Variants in LYPLAL1 observed in about 807,000 individuals in gnomAD.
The protein encoded by LYPLAL1 is lysophospholipase like 1.
In LYPLAL1, 23 loss-of-function variants were observed where a neutral mutation model predicts 19.7. The observed-to-expected ratio is 1.17, with a 90% CI of 0.84 to 1.65. The LOEUF is 1.65. LYPLAL1 is among the 40% of genes most tolerant of loss of function. The pLI is 0.00. For missense variants in LYPLAL1, 355 were observed against 279.4 expected (o/e 1.27, Z -1.93); for synonymous variants, 119 against 96.3 (o/e 1.24, Z -1.38).
At chr1:219,439,972 T>TATGTATATATATAC in the LYPLAL1 span, among the ~76,000 whole-genome samples, 2 of 114,074 alleles carry the variant, frequency 1.8e-5, no homozygotes, top group African/African-American at 8.3e-5. Context: ...TATATATATA[T>TATGTATATATATAC]ACATATATAT....
At chr1:219,299,303 G>A in the LYPLAL1 span, among the ~76,000 whole-genome samples, 2 of 152,050 alleles carry the variant, frequency 1.3e-5, no homozygotes, top group Non-Finnish European at 2.9e-5. Flanking sequence ...CTACCAGGGC[G>A]AGCAAACACT....
chr1:219,197,613 C>G (rs1425652571), intron 3 of LYPLAL1, among the ~76,000 whole-genome samples: 1 of 152,068 alleles, frequency 6.6e-6, no homozygotes, highest in Non-Finnish European at 1.5e-5. Context: ...GCAACAAAAG[C>G]AGAAGTTGAC....
At chr1:219,322,563 T>G in the LYPLAL1 span, among the ~76,000 whole-genome samples, 6 of 152,232 alleles carry the variant, frequency 3.9e-5, no homozygotes, top group African/African-American at 1.4e-4. Flanking sequence ...TTGAATGCTT[T>G]TAGGCATTCT....
At chr1:219,224,799 A>G in the LYPLAL1 span, among the ~76,000 whole-genome samples, 3 of 152,106 alleles carry the variant, frequency 2.0e-5, no homozygotes, top group Non-Finnish European at 4.4e-5. Flanking sequence ...GCCCAATCTA[A>G]TGTTTATAGT....
rs548565962 is a variant in LYPLAL1 at position 219,193,003 on chromosome 1, T to C, written c.192-79T>C. The stretch of plus-strand genomic sequence containing the variant: ...TTGAAATCATTTATTCAAAACACTA[T>C]TATTTTGGTAATTAAAGCATCCATT... On this transcript the variant is annotated intron_variant, in intron 2 of 4. Coordinates refer to ENST00000366928, the MANE Select transcript of LYPLAL1 (RefSeq NM_138794.5). The C allele has an allele frequency of 5.7e-5, 78 of 1,361,204 alleles. No homozygotes were observed. In the Admixed American group the frequency reaches 1.7e-3, roughly 29 times the overall value. 84.3% of individuals were successfully genotyped at this position (1,361,204 alleles called of 1,614,324 possible).
intron 4 of LYPLAL1, among the ~76,000 whole-genome samples, chr1:219,211,038 C>T (rs1428868946): frequency 6.6e-6 from 1 of 152,092 alleles, no homozygotes; most frequent in Non-Finnish European, 1.5e-5. Context: ...GCAATATCCT[C>T]ATCTATGAAT....
At chr1:219,395,239 T>C in the LYPLAL1 span, among the ~76,000 whole-genome samples, 1 of 152,216 alleles carries the variant, frequency 6.6e-6, no homozygotes, top group Non-Finnish European at 1.5e-5. Flanking sequence ...ACACTCTCAC[T>C]AACAGTCTAT....
the LYPLAL1 span, chr1:219,411,886 A>C: frequency 6.0e-6 from 1 of 166,444 alleles, no homozygotes; most frequent in Non-Finnish European, 1.3e-5. Context: ...AGTCAGTGAG[A>C]CCAAGAACCC....
chr1:219,270,039 A>C, the LYPLAL1 span, among the ~76,000 whole-genome samples: 1 of 152,360 alleles, frequency 6.6e-6, no homozygotes, highest in South Asian at 2.1e-4. Flanking sequence ...TCTCAAGCTT[A>C]GATATTGATG....
At chr1:219,228,330 C>T in the LYPLAL1 span, among the ~76,000 whole-genome samples, 5 of 151,946 alleles carry the variant, frequency 3.3e-5, 1 homozygote, top group Admixed American at 3.3e-4. Flanking sequence ...TCATGCAGCA[C>T]ATGTCTTTAT....
At chr1:219,417,176 G>T in the LYPLAL1 span, among the ~76,000 whole-genome samples, 1 of 152,088 alleles carries the variant, frequency 6.6e-6, no homozygotes, top group Non-Finnish European at 1.5e-5. Flanking sequence ...ACTCTTTGAG[G>T]GCAGTGAGTC....
At chr1:219,294,794 T>C in the LYPLAL1 span, among the ~76,000 whole-genome samples, 12 of 152,138 alleles carry the variant, frequency 7.9e-5, no homozygotes, top group Admixed American at 6.5e-5. Context: ...AATTAACATC[T>C]TTGGAGGAAG....
chr1:219,360,805 C>T, the LYPLAL1 span, among the ~76,000 whole-genome samples: 1 of 152,128 alleles, frequency 6.6e-6, no homozygotes, highest in Non-Finnish European at 1.5e-5. Context: ...CTGATGGTGA[C>T]AGGAGAGAAC....
chr1:219,210,862 T>C (rs1658975161), intron 4 of LYPLAL1, among the ~76,000 whole-genome samples: 1 of 152,116 alleles, frequency 6.6e-6, no homozygotes, highest in South Asian at 2.1e-4. Flanking sequence ...AGAAATATTG[T>C]TAAGCAAAAT....
chr1:219,365,310 C>A, the LYPLAL1 span, among the ~76,000 whole-genome samples: 1 of 152,132 alleles, frequency 6.6e-6, no homozygotes, highest in Non-Finnish European at 1.5e-5. Context: ...ATGATATGTA[C>A]ACTTTCATAT....
At chr1:219,445,025 T>G in the LYPLAL1 span, among the ~76,000 whole-genome samples, 1 of 151,964 alleles carries the variant, frequency 6.6e-6, no homozygotes, top group African/African-American at 2.4e-5. Flanking sequence ...ACAATATGCT[T>G]TCTAGACCAC....
the LYPLAL1 span, among the ~76,000 whole-genome samples, chr1:219,417,958 G>A: frequency 6.6e-6 from 1 of 152,202 alleles, no homozygotes; most frequent in Non-Finnish European, 1.5e-5. Flanking sequence ...TTTTTCAACT[G>A]GCTCTTGGAT....
the LYPLAL1 span, among the ~76,000 whole-genome samples, chr1:219,360,789 T>G: frequency 6.6e-5 from 10 of 152,122 alleles, no homozygotes; most frequent in African/African-American, 2.4e-4. Flanking sequence ...TTCAAAAGCA[T>G]GCTCCCTGAT....
At chr1:219,382,935 A>C in the LYPLAL1 span, among the ~76,000 whole-genome samples, 1 of 152,100 alleles carries the variant, frequency 6.6e-6, no homozygotes, top group Non-Finnish European at 1.5e-5. Flanking sequence ...TACTCGGTGC[A>C]ATATTTTTTC....
Sources: gnomAD v4.1 joint callset for allele counts (sites outside exome capture counted in the v4.1 genomes callset) on GRCh38, gnomAD v4.1.1 for gene constraint, MANE v1.5 for transcripts, NCBI Gene and HGNC (gene_info 2026-07-23, HGNC 2026-07-21) for gene names.